FIP1L1: variants seen among roughly 807,000 people sequenced by gnomAD.
FIP1L1 encodes the protein factor interacting with PAPOLA and CPSF1.
A neutral mutation model predicts 84.6 loss-of-function variants in FIP1L1; 21 were observed. That is an observed-to-expected ratio of 0.25 (90% CI 0.18 to 0.36). The LOEUF (loss-of-function observed/expected upper bound fraction) is 0.36, where lower values mean the gene tolerates loss of function less well. Among genes scored for constraint, FIP1L1 ranks in the 10% least tolerant of loss-of-function variants. The pLI, the probability that FIP1L1 is intolerant of heterozygous loss-of-function variation, is 1.00. For synonymous variants in FIP1L1, 263 were observed against 242.3 expected (o/e 1.09, Z -0.80); for missense variants, 526 against 751.1 (o/e 0.70, Z 3.50).
chr4:53,403,984 C>A (rs1751662788), intron 10 of FIP1L1, among the ~76,000 whole-genome samples: 1 of 149,036 alleles, frequency 6.7e-6, no homozygotes, highest in African/African-American at 2.5e-5. Context: ...CTGAGCTGGT[C>A]ATCTCCAGTC....
At chr4:53,423,768 G>T (rs1763298502) in intron 11 of FIP1L1, among the ~76,000 whole-genome samples, 2 of 152,092 alleles carry the variant, frequency 1.3e-5, no homozygotes, top group African/African-American at 4.8e-5. Flanking sequence ...TGATTTCTCA[G>T]TTATATGTTT....
Position 53,438,112 on chromosome 4 carries a change from TC to T in FIP1L1, c.1175-4540del, listed in dbSNP as rs577758965. ...AAAAGGTTTTGGCTGGCACTAGAAA[TC>T]TACTTTTACTACTGTTACATACAGC... On this transcript the variant is annotated intron_variant, in intron 13 of 17. Coordinates refer to ENST00000337488, the MANE Select transcript of FIP1L1 (RefSeq NM_030917.4). Among the ~76,000 whole-genome samples the T allele has an allele frequency of 7.9e-5, 12 of 152,274 alleles. No individual in the cohort carries two copies. In the East Asian group the frequency reaches 2.3e-3, roughly 29 times the overall value.
intron 13 of FIP1L1, among the ~76,000 whole-genome samples, chr4:53,438,579 T>C (rs765177871): frequency 1.5e-4 from 23 of 152,220 alleles, no homozygotes; most frequent in Non-Finnish European, 3.1e-4. Context: ...GCCAACTTTC[T>C]GATGTGTAGG....
At chr4:53,452,756 G>T (rs1177060301) in intron 15 of FIP1L1, among the ~76,000 whole-genome samples, 164 bp from the exon 16 acceptor site, 2 of 152,056 alleles carry the variant, frequency 1.3e-5, no homozygotes, top group Non-Finnish European at 2.9e-5. Flanking sequence ...TTTAAGATTT[G>T]TTTCTGGATC....
rs1205851604 is a variant in FIP1L1, at chr4:53,460,107, T to A, written c.*658T>A. ...TTCTAGGAGGCATGTGTACACACAC[T>A]CTTCATTGTGGCACAAATTTAAATC... On this transcript the variant is annotated 3_prime_UTR_variant, in exon 18 of 18. Coordinates refer to ENST00000337488, the MANE Select transcript of FIP1L1 (RefSeq NM_030917.4). 14 of 199,468 alleles carry A rather than the reference T, an allele frequency of 7.0e-5. No individual in the cohort carries two copies. The highest frequency in any genetic ancestry group is 1.6e-3 in the Middle Eastern group (1 of 626). 12.4% of individuals were successfully genotyped at this position (199,468 alleles called of 1,614,324 possible).
intron 5 of FIP1L1, among the ~76,000 whole-genome samples, chr4:53,389,221 A>G (rs1390971144): frequency 6.6e-6 from 1 of 152,202 alleles, no homozygotes; most frequent in Non-Finnish European, 1.5e-5. Context: ...TTGAAAAAGG[A>G]TTTATTAACA....
At chr4:53,444,220 T>C (rs1773227496) in intron 15 of FIP1L1, 117 bp downstream of exon 15, 1 of 663,380 alleles carries the variant, frequency 1.5e-6, no homozygotes, top group Admixed American at 2.3e-5. Context: ...TTAAAAAATA[T>C]TAACTACAGG....
At position 53,377,733 on chromosome 4, in the gene FIP1L1, GTT is replaced by G. The variant is rs1735310993; in HGVS notation, c.-105_-104del. The stretch of plus-strand genomic sequence containing the variant: ...TTGGAGTCTCGAGCTTTCTTCGTTC[GTT>G]CGTCGGCGGGTTCGCGCCCTTCTCG... On this transcript the variant is annotated 5_prime_UTR_variant, in exon 1 of 18. An upstream open reading frame in the 5' UTR gains an earlier in-frame stop. Coordinates refer to ENST00000337488, the MANE Select transcript of FIP1L1 (RefSeq NM_030917.4). 12 of 1,067,130 alleles carry G rather than the reference GTT, an allele frequency of 1.1e-5. No individual in the cohort carries two copies. In the East Asian group the frequency reaches 1.2e-4, roughly 10 times the overall value. The allele number at this position is 1,067,130 out of a possible 1,614,324, so 66.1% of individuals were successfully genotyped here.
At chr4:53,447,568 A>C (rs1475583498) in intron 15 of FIP1L1, among the ~76,000 whole-genome samples, 2 of 152,202 alleles carry the variant, frequency 1.3e-5, no homozygotes, top group East Asian at 3.8e-4. Flanking sequence ...CATTATTATG[A>C]ATGTGTAAAT....
At position 53,391,052 on chromosome 4, in the gene FIP1L1, T is replaced by C; in HGVS notation, c.549T>C (p.Asp183=). ...SDYFNYGFNE[D]TWKAYCEKQK... ...ATTTTAATTATGGGTTTAATGAAGA[T>C]ACCTGGAAAGCTTACTGTGAAAAAC... The change falls in exon 8 of 18, where the codon GAT becomes GAC. Residue 183 remains aspartate (D), a synonymous_variant. Transcript: ENST00000337488. 1.2e-6 allele frequency: 2 copies of C among 1,610,994 alleles called. No individual in the cohort carries two copies. The highest frequency in any genetic ancestry group is 1.7e-6 in the Non-Finnish European group (2 of 1,178,478).
chr4:53,459,275 A>G, intron 17 of FIP1L1, 27 bp from the exon 18 acceptor site: 1 of 942,052 alleles, frequency 1.1e-6, no homozygotes. Context: ...AACAGAACAC[A>G]CCTTTTTTTT....
intron 10 of FIP1L1, among the ~76,000 whole-genome samples, chr4:53,407,173 T>C (rs1754057174): frequency 1.3e-5 from 2 of 152,222 alleles, no homozygotes; most frequent in South Asian, 4.1e-4. Flanking sequence ...GTCTACACAC[T>C]GCTTTGAATG....
chr4:53,435,680 CTTT>C (rs1768817478), intron 13 of FIP1L1, among the ~76,000 whole-genome samples: 1 of 152,116 alleles, frequency 6.6e-6, no homozygotes. Flanking sequence ...GACCGTACCA[CTTT>C]TTAACCCTTT....
chr4:53,409,198 A>C (rs1361200245), intron 10 of FIP1L1, among the ~76,000 whole-genome samples: 3 of 152,170 alleles, frequency 2.0e-5, no homozygotes, highest in South Asian at 2.1e-4. Flanking sequence ...TCTGTTTGTT[A>C]GTTTTCCTTC....
At chr4:53,387,197 A>G (rs1337147079) in intron 5 of FIP1L1, among the ~76,000 whole-genome samples, 16 of 152,206 alleles carry the variant, frequency 1.1e-4, no homozygotes. Context: ...GGCATGTGGT[A>G]TACACCTGTA....
chr4:53,452,107 C>T (rs1350988308), intron 15 of FIP1L1, among the ~76,000 whole-genome samples: 1 of 152,106 alleles, frequency 6.6e-6, no homozygotes, highest in African/African-American at 2.4e-5. Context: ...TGGTCTTGAA[C>T]TCCTGATCTC....
intron 13 of FIP1L1, among the ~76,000 whole-genome samples, chr4:53,429,611 ATTAC>A (rs972115146): frequency 4.6e-5 from 7 of 152,196 alleles, no homozygotes; most frequent in Admixed American, 6.5e-5. Flanking sequence ...CCTTTGTAAT[ATTAC>A]TTAAACTTTA....
At chr4:53,393,613 A>G (rs919281346) in intron 9 of FIP1L1, among the ~76,000 whole-genome samples, 2 of 152,200 alleles carry the variant, frequency 1.3e-5, no homozygotes, top group Non-Finnish European at 2.9e-5. Flanking sequence ...GGGTACAAAA[A>G]CAATTGTGTA....
chr4:53,423,202 G>T (rs1324908723), intron 11 of FIP1L1, among the ~76,000 whole-genome samples: 1 of 152,140 alleles, frequency 6.6e-6, no homozygotes, highest in African/African-American at 2.4e-5. Flanking sequence ...AGGGGAGGTA[G>T]AGGCTCTTGG....
Sources: allele counts gnomAD v4.1 joint callset (sites outside exome capture counted in the v4.1 genomes callset), GRCh38; gene constraint gnomAD v4.1.1; transcripts MANE v1.5; gene names NCBI Gene and HGNC (gene_info 2026-07-23, HGNC 2026-07-21).